The following C16orf78 variants were observed in gnomAD, a reference collection of about 807,000 sequenced individuals.
C16orf78 encodes the protein uncharacterized protein C16orf78.
C16orf78 carries 19 observed loss-of-function variants against 27.3 expected under a neutral mutation model. The observed-to-expected ratio is 0.70, with a 90% CI of 0.49 to 1.02. The LOEUF is 1.02. C16orf78 is among the 50% of genes least tolerant of loss of function. C16orf78 has a pLI of 0.00. For missense variants in C16orf78, 339 were observed against 337.0 expected (o/e 1.01, Z -0.05); for synonymous variants, 130 against 116.1 (o/e 1.12, Z -0.77).
chr16:49,373,906 C>T lies in C16orf78; in HGVS notation c.-34C>T. 6.2e-7 allele frequency: 1 copy of T among 1,612,272 alleles called. No homozygotes were observed. The highest frequency in any genetic ancestry group is 8.5e-7 in the Non-Finnish European group (1 of 1,179,048). ...ATCGAAAGAGTGAGACAGTGCCAGC[C>T]ACCTCCCACCCAAGCCACTAGCAAG... On this transcript the variant is annotated 5_prime_UTR_variant, in exon 1 of 5. Transcript: ENST00000299191.
chr16:49,389,841 A>G (rs997553035), intron 3 of C16orf78, among the ~76,000 whole-genome samples: 5 of 152,176 alleles, frequency 3.3e-5, no homozygotes, highest in African/African-American at 1.2e-4. Context: ...GTTTACTCAC[A>G]TATTTAACAT....
chr16:49,374,454 GA>G (rs1290182336), intron 1 of C16orf78, among the ~76,000 whole-genome samples: 1 of 152,156 alleles, frequency 6.6e-6, no homozygotes, highest in Non-Finnish European at 1.5e-5. Context: ...AAGGGGCAGA[GA>G]AAAAATTTAC....
rs1180729961 is a variant in C16orf78, at chr16:49,377,841, T to C, written c.261T>C (p.Thr87=). The C allele has an allele frequency of 3.2e-6, 5 of 1,574,906 alleles. No individual in the cohort carries two copies. The highest frequency in any genetic ancestry group is 4.3e-6 in the Non-Finnish European group (5 of 1,159,026). The part of the protein sequence containing the change: ...ARGGNRRDTE[T]SQQALGKRFR... The stretch of plus-strand genomic sequence containing the variant: ...GAGGGAACCGCAGGGACACGGAGAC[T>C]TCCCAGCAGGTAATGCAGCCCCTCT... Residue 87 remains threonine (T), a synonymous_variant, in exon 2 of 5, where the codon ACT becomes ACC. Coordinates refer to ENST00000299191, the MANE Select transcript of C16orf78 (RefSeq NM_144602.4).
At chr16:49,396,784 T>C (rs755282544) in intron 4 of C16orf78, 106 bp downstream of exon 4, 1 of 1,416,392 alleles carries the variant, frequency 7.1e-7, no homozygotes, top group Non-Finnish European at 9.4e-7. Context: ...GATCTAGGAG[T>C]AGGGGCTTGG....
At chr16:49,380,634 T>A (rs1303347358) in intron 3 of C16orf78, among the ~76,000 whole-genome samples, 1 of 152,250 alleles carries the variant, frequency 6.6e-6, no homozygotes, top group Non-Finnish European at 1.5e-5. Context: ...ATCTTTAGTT[T>A]AATTAGATCC....
At chr16:49,398,536 T>C (rs1368866550) in intron 4 of C16orf78, among the ~76,000 whole-genome samples, 1 of 152,254 alleles carries the variant, frequency 6.6e-6, no homozygotes, top group Non-Finnish European at 1.5e-5. Context: ...CAGCGATTAT[T>C]TCCACTGTCT....
intron 1 of C16orf78, among the ~76,000 whole-genome samples, chr16:49,376,227 C>T (rs1020197486): frequency 6.6e-6 from 1 of 152,202 alleles, no homozygotes; most frequent in Non-Finnish European, 1.5e-5. Context: ...CAGGCTCTTC[C>T]CCCAACAGAC....
rs555273970 is a variant in C16orf78 at position 49,375,559 on chromosome 16, C to T, written c.150+1470C>T. ...CCTTCATGACAGTACCAAGGGGAAT[C>T]GTGTTAAACCATGAGAAAGTGCCCC... is the stretch of plus-strand genomic sequence containing the variant. On this transcript the variant is annotated intron_variant, in intron 1 of 4. Transcript: ENST00000299191. Among the ~76,000 whole-genome samples the T allele has an allele frequency of 5.3e-5, 8 of 152,260 alleles. No individual in the cohort carries two copies. The South Asian group carries it at 1.0e-3, about 20-fold the overall frequency.
At chr16:49,394,064 G>A (rs1596931955) in intron 3 of C16orf78, among the ~76,000 whole-genome samples, 1 of 152,066 alleles carries the variant, frequency 6.6e-6, no homozygotes, top group Admixed American at 6.6e-5. Flanking sequence ...AGTGAAGGTT[G>A]AAAAATAATT....
intron 3 of C16orf78, among the ~76,000 whole-genome samples, chr16:49,385,842 A>G (rs561988272): frequency 6.6e-6 from 1 of 152,242 alleles, no homozygotes; most frequent in African/African-American, 2.4e-5. Context: ...CAATGACCAA[A>G]ATGACAGTAA....
chr16:49,388,334 A>C (rs1343729568), intron 3 of C16orf78, among the ~76,000 whole-genome samples: 1 of 152,014 alleles, frequency 6.6e-6, no homozygotes, highest in African/African-American at 2.4e-5. Flanking sequence ...TAACTTTTTG[A>C]TGTGAGTGTT....
intron 3 of C16orf78, among the ~76,000 whole-genome samples, chr16:49,383,912 G>T (rs998181945): frequency 2.6e-5 from 4 of 152,182 alleles, no homozygotes; most frequent in Non-Finnish European, 5.9e-5. Context: ...CAGCAATGCA[G>T]CTCTATGAAT....
chr16:49,377,599 C>T, intron 1 of C16orf78, 132 bp from the exon 2 acceptor site: 1 of 1,191,774 alleles, frequency 8.4e-7, no homozygotes, highest in South Asian at 1.5e-5. Flanking sequence ...GACGACAGGC[C>T]CTAGAGTGTG....
intron 3 of C16orf78, among the ~76,000 whole-genome samples, chr16:49,392,109 C>A (rs935771765): frequency 6.6e-6 from 1 of 152,132 alleles, no homozygotes; most frequent in Admixed American, 6.5e-5. Flanking sequence ...CTAGGAATAT[C>A]CTGATAAAAT....
rs191996421 is a variant in C16orf78 at position 49,383,784 on chromosome 16, T to C, written c.394+5191T>C. Among the ~76,000 whole-genome samples the C allele has an allele frequency of 8.5e-5, 13 of 152,190 alleles. No individual in the cohort carries two copies. In the East Asian group the frequency reaches 9.7e-4, roughly 11 times the overall value. On this transcript the variant is annotated intron_variant, in intron 3 of 4. Transcript: ENST00000299191. ...AAGGCAAGGGAATCACTTGAGGCCA[T>C]AAGTTTGAGAACAGCCTAGGCAACA...
chr16:49,374,321 C>T (rs1314742070), intron 1 of C16orf78, among the ~76,000 whole-genome samples: 3 of 144,764 alleles, frequency 2.1e-5, no homozygotes, highest in Admixed American at 6.6e-5. Flanking sequence ...CATCCTCTCA[C>T]AGAGACTGAG....
chr16:49,396,384 C>G lies in C16orf78; in HGVS notation c.395-39C>G, dbSNP rs75263185. On this transcript the variant is annotated intron_variant, in intron 3 of 4. Coordinates refer to ENST00000299191, the MANE Select transcript of C16orf78 (RefSeq NM_144602.4). ...CTGCCTACCCCACCTCTCACGTCTC[C>G]CACGGTCTAACTCTTTGATGGCATC... 6,527 of 1,606,906 alleles carry G rather than the reference C, an allele frequency of 4.1e-3. 31 individuals are homozygous for G. Among genetic ancestry groups the G allele is most frequent in the Middle Eastern group, 8.3e-3 (50 of 6,018 alleles).
intron 3 of C16orf78, among the ~76,000 whole-genome samples, chr16:49,385,462 G>C (rs1965337559): frequency 6.6e-6 from 1 of 152,180 alleles, no homozygotes; most frequent in Admixed American, 6.5e-5. Context: ...ACGAGGTCAG[G>C]ACCAGCCTGG....
chr16:49,378,442 G>T, intron 2 of C16orf78, 28 bp from the exon 3 acceptor site: 2 of 1,552,156 alleles, frequency 1.3e-6, no homozygotes, highest in Non-Finnish European at 1.7e-6. Flanking sequence ...TGTAACTGGG[G>T]TGTGACTTCT....
Sources: gnomAD v4.1 joint callset for allele counts (sites outside exome capture counted in the v4.1 genomes callset) on GRCh38, gnomAD v4.1.1 for gene constraint, MANE v1.5 for transcripts, NCBI Gene and HGNC (gene_info 2026-07-23, HGNC 2026-07-21) for gene names.